Variants in NR6A1 observed in about 807,000 individuals in gnomAD.
NR6A1 encodes nuclear receptor subfamily 6 group A member 1, also known as retinoic acid receptor-related testis-associated receptor.
Under a neutral mutation model 59.1 loss-of-function variants are expected in NR6A1, and 7 were observed. That is an observed-to-expected ratio of 0.12 (90% confidence interval 0.07 to 0.22). The LOEUF is 0.22. Ranked by LOEUF, NR6A1 falls within the 10% of genes least tolerant of loss-of-function variation. The probability of loss-of-function intolerance (pLI) is 1.00; values close to 1 mark genes in which losing one functional copy is unlikely to be tolerated. For missense variants in NR6A1, 468 were observed against 611.6 expected, an observed-to-expected ratio of 0.77 and a Z score of 2.48; for synonymous variants, 243 against 236.1, an observed-to-expected ratio of 1.03 and a Z score of -0.27.
At chr9:124,530,208 C>CAAAATTCTTTTCCAAA (rs1564165460) in intron 7 of NR6A1, among the ~76,000 whole-genome samples, 7 of 151,970 alleles carry the variant, frequency 4.6e-5, no homozygotes, top group Non-Finnish European at 1.0e-4. Flanking sequence ...CTTTCTCTTG[C>CAAAATTCTTTTCCAAA]GGACAGCACA....
rs779656002 is a variant in NR6A1, at chr9:124,692,668, C to A, written c.142+40640G>T. ...TGTGGTCCAGTGAATTTTATTCCTACTGCTCACTGTTCCTTGCTTTCTGTT... is the reference window on the plus strand; with the variant it reads ...TGTGGTCCAGTGAATTTTATTCCTAATGCTCACTGTTCCTTGCTTTCTGTT... On this transcript the variant is annotated intron_variant, in intron 2 of 9. Coordinates refer to ENST00000487099, the MANE Select transcript of NR6A1 (RefSeq NM_033334.4). 2.2e-5 allele frequency: 6 copies of A among 270,540 alleles called. No homozygotes were observed. In the Admixed American group the frequency reaches 2.6e-4, roughly 12 times the overall value. 16.8% of individuals were successfully genotyped at this position (270,540 alleles called of 1,614,324 possible).
intron 8 of NR6A1, 30 bp from the exon 9 acceptor site, chr9:124,524,903 A>G (rs556689651): frequency 6.3e-7 from 1 of 1,579,008 alleles, no homozygotes; most frequent in African/African-American, 1.4e-5. Context: ...ACACACACAC[A>G]TACAGGGAAT....
In NR6A1 at chr9:124,630,670, C is replaced by CTTTTTTTTTT. The variant is rs71372980; in HGVS notation, c.143-76110_143-76101dup. ...GACCCCTGGGCAAGTTACTACATTT[C>CTTTTTTTTTT]TTTTTTTTTTTTTTTTTTTTTTTTT... On this transcript the variant is annotated intron_variant, in intron 2 of 9. Coordinates refer to ENST00000487099, the MANE Select transcript of NR6A1 (RefSeq NM_033334.4). Among the ~76,000 whole-genome samples, 34 of 59,520 alleles carry CTTTTTTTTTT rather than the reference C, an allele frequency of 5.7e-4. 5 individuals are homozygous for CTTTTTTTTTT. The highest frequency in any genetic ancestry group is 2.0e-3 in the African/African-American group (28 of 13,866). The allele number at this position is 59,520 out of a possible 152,430, so 39.0% of individuals were successfully genotyped here.
intron 2 of NR6A1, among the ~76,000 whole-genome samples, chr9:124,688,117 T>G (rs1035297730): frequency 6.6e-6 from 1 of 151,760 alleles, no homozygotes; most frequent in Non-Finnish European, 1.5e-5. Flanking sequence ...AGGCATGGAG[T>G]TTGAGACCAG....
At chr9:124,695,264 T>C (rs753118260) in intron 2 of NR6A1, among the ~76,000 whole-genome samples, 19 of 152,206 alleles carry the variant, frequency 1.2e-4, no homozygotes, top group Non-Finnish European at 2.5e-4. Context: ...CAAATATACA[T>C]CAAATTGTGT....
At chr9:124,656,524 A>T (rs1837262950) in intron 2 of NR6A1, among the ~76,000 whole-genome samples, 1 of 152,102 alleles carries the variant, frequency 6.6e-6, no homozygotes, top group African/African-American at 2.4e-5. Flanking sequence ...AGGTATCTAG[A>T]GTAGTCAAAA....
chr9:124,634,108 A>T (rs1236847439), intron 2 of NR6A1, among the ~76,000 whole-genome samples: 1 of 152,250 alleles, frequency 6.6e-6, no homozygotes, highest in Non-Finnish European at 1.5e-5. Flanking sequence ...ATGATAAATA[A>T]TTATATAGTC....
intron 2 of NR6A1, among the ~76,000 whole-genome samples, chr9:124,609,180 G>C (rs1835666823): frequency 6.6e-6 from 1 of 152,074 alleles, no homozygotes; most frequent in South Asian, 2.1e-4. Context: ...TGGAATCTCT[G>C]TCTGTGCCTA....
intron 2 of NR6A1, among the ~76,000 whole-genome samples, chr9:124,656,629 C>A (rs777765558): frequency 2.0e-5 from 3 of 152,002 alleles, no homozygotes; most frequent in Non-Finnish European, 4.4e-5. Flanking sequence ...ATCACGAGTT[C>A]GAGACCAGCC....
chr9:124,584,801 G>C (rs550534785), intron 2 of NR6A1, among the ~76,000 whole-genome samples: 13 of 152,210 alleles, frequency 8.5e-5, no homozygotes, highest in African/African-American at 2.9e-4. Context: ...ATGTGTTCAA[G>C]TGAAAGGAAG....
chr9:124,657,442 A>G (rs574142202), intron 2 of NR6A1, among the ~76,000 whole-genome samples: 1 of 152,344 alleles, frequency 6.6e-6, no homozygotes, highest in South Asian at 2.1e-4. Flanking sequence ...GAAAAAAATG[A>G]TTGGTCCATG....
At chr9:124,715,340 T>C (rs1021260840) in intron 2 of NR6A1, among the ~76,000 whole-genome samples, 3 of 151,970 alleles carry the variant, frequency 2.0e-5, no homozygotes, top group South Asian at 2.1e-4. Context: ...CTGGACAACA[T>C]AGTGAGACCC....
At chr9:124,739,188 A>T (rs1471769349) in intron 1 of NR6A1, among the ~76,000 whole-genome samples, 1 of 135,560 alleles carries the variant, frequency 7.4e-6, no homozygotes, top group Non-Finnish European at 1.6e-5. Flanking sequence ...ACTCCATCTC[A>T]AAAAAAAAAA....
chr9:124,575,981 A>G (rs1273495123), intron 2 of NR6A1, among the ~76,000 whole-genome samples: 2 of 152,190 alleles, frequency 1.3e-5, no homozygotes, highest in Admixed American at 1.3e-4. Flanking sequence ...GGTGCCTCCA[A>G]GCGATTCATC....
chr9:124,526,532 G>T (rs1418552812), intron 8 of NR6A1, among the ~76,000 whole-genome samples: 1 of 151,886 alleles, frequency 6.6e-6, no homozygotes, highest in African/African-American at 2.4e-5. Context: ...CTTCCTCTAT[G>T]AGTTATAGAG....
At chr9:124,765,368 A>G (rs1840901700) in intron 1 of NR6A1, among the ~76,000 whole-genome samples, 1 of 152,198 alleles carries the variant, frequency 6.6e-6, no homozygotes, top group African/African-American at 2.4e-5. Context: ...AGCCCCCGAA[A>G]TTTTTAAAGC....
At chr9:124,688,078 T>C (rs971401528) in intron 2 of NR6A1, among the ~76,000 whole-genome samples, 2 of 152,116 alleles carry the variant, frequency 1.3e-5, no homozygotes, top group African/African-American at 4.8e-5. Flanking sequence ...TCTCACCACT[T>C]TGGGAGGCCT....
intron 2 of NR6A1, among the ~76,000 whole-genome samples, chr9:124,618,343 C>T (rs962961424): frequency 6.6e-6 from 1 of 151,966 alleles, no homozygotes; most frequent in Non-Finnish European, 1.5e-5. Flanking sequence ...ATTAGATGGG[C>T]GTGGTGGCAT....
intron 3 of NR6A1, among the ~76,000 whole-genome samples, chr9:124,553,549 C>CTTTTTTTTTTTTTGTTTTTTTT (rs1833840802): frequency 2.1e-5 from 1 of 47,324 alleles, no homozygotes; most frequent in African/African-American, 7.8e-5. Context: ...TTTAGCTTGA[C>CTTTTTTTTTTTTTGTTTTTTTT]TTTTTTTTTT....
Sources: allele counts gnomAD v4.1 joint callset (sites outside exome capture counted in the v4.1 genomes callset), GRCh38; gene constraint gnomAD v4.1.1; transcripts MANE v1.5; gene names NCBI Gene and HGNC (gene_info 2026-07-23, HGNC 2026-07-21).